PALLD: variants seen among roughly 807,000 people sequenced by gnomAD.
PALLD encodes the protein palladin, cytoskeletal associated protein.
A neutral mutation model predicts 123.5 loss-of-function variants in PALLD; 61 were observed. The ratio of observed to expected loss-of-function variants is 0.49; its 90% confidence interval spans 0.40 to 0.61. The LOEUF is 0.61. Among genes scored for constraint, PALLD ranks in the 20% least tolerant of loss-of-function variants. PALLD has a pLI of 0.00. For missense variants in PALLD, 1,273 were observed against 1,377.0 expected, an observed-to-expected ratio of 0.92 and a Z score of 1.20; for synonymous variants, 465 against 496.4, an observed-to-expected ratio of 0.94 and a Z score of 0.84.
intron 2 of PALLD, among the ~76,000 whole-genome samples, chr4:168,616,762 A>G (rs936337823): frequency 6.6e-6 from 1 of 152,320 alleles, no homozygotes; most frequent in Non-Finnish European, 1.5e-5. Flanking sequence ...CTGAATTTTT[A>G]ACAAGCTTCC....
intron 10 of PALLD, chr4:168,864,459 C>G (rs1337647888): frequency 6.6e-6 from 1 of 152,200 alleles, no homozygotes; most frequent in South Asian, 2.1e-4. Flanking sequence ...GGCACTGCAC[C>G]AAACGTACTT....
intron 2 of PALLD, among the ~76,000 whole-genome samples, chr4:168,587,161 A>T (rs1770914123): frequency 1.3e-5 from 2 of 152,316 alleles, no homozygotes; most frequent in Non-Finnish European, 2.9e-5. Context: ...ATGTTGAAGA[A>T]TGCGGGTGTG....
intron 11 of PALLD, 33 bp downstream of exon 11, chr4:168,891,090 G>A (rs767751062): frequency 1.9e-6 from 3 of 1,610,510 alleles, no homozygotes; most frequent in Admixed American, 3.3e-5. Context: ...GACTTGGAAT[G>A]TTAGCTACCC....
At chr4:168,809,318 CCTT>C (rs72109616) in intron 10 of PALLD, among the ~76,000 whole-genome samples, 31,999 of 143,540 alleles carry the variant, frequency 0.22, 3,617 homozygotes, top group East Asian at 0.43. Context: ...CCTTATAAAT[CCTT>C]CTTCTTCTTC....
chr4:168,565,615 G>A (rs1768294660), intron 2 of PALLD, among the ~76,000 whole-genome samples: 2 of 152,010 alleles, frequency 1.3e-5, no homozygotes, highest in Non-Finnish European at 2.9e-5. Context: ...GAGGTCAAGG[G>A]AAAGCCAGGA....
intron 2 of PALLD, among the ~76,000 whole-genome samples, chr4:168,599,101 T>C (rs1221416938): frequency 6.6e-6 from 1 of 152,132 alleles, no homozygotes; most frequent in Non-Finnish European, 1.5e-5. Context: ...AAATAGCGAA[T>C]AGCCACTCCA....
chr4:168,885,386 T>C (rs1384029689), intron 10 of PALLD: 3 of 152,170 alleles, frequency 2.0e-5, no homozygotes, highest in Admixed American at 2.0e-4. Context: ...ATACTAAAAT[T>C]GCAATGATAC....
chr4:168,805,631 A>T (rs1740081260), intron 10 of PALLD, among the ~76,000 whole-genome samples: 1 of 151,932 alleles, frequency 6.6e-6, no homozygotes, highest in Non-Finnish European at 1.5e-5. Flanking sequence ...CCCACCCCTA[A>T]ACTCGTACAT....
chr4:168,663,776 TTCC>T (rs1435559894), intron 2 of PALLD, among the ~76,000 whole-genome samples: 14 of 152,368 alleles, frequency 9.2e-5, no homozygotes, highest in East Asian at 5.8e-4. Flanking sequence ...TCTGTATTGT[TTCC>T]TCATGCCATT....
chr4:168,688,604 G>GT (rs1336216250), intron 6 of PALLD, among the ~76,000 whole-genome samples: 1 of 152,218 alleles, frequency 6.6e-6, no homozygotes, highest in Non-Finnish European at 1.5e-5. Context: ...GGGGCTCCTT[G>GT]TTATGTTCCC....
At chr4:168,501,498 T>C (rs1561177989) in intron 1 of PALLD, among the ~76,000 whole-genome samples, 1 of 152,190 alleles carries the variant, frequency 6.6e-6, no homozygotes, top group Non-Finnish European at 1.5e-5. Context: ...CAATATTTGC[T>C]TAGGATAAGC....
chr4:168,644,589 G>A (rs1777260313), intron 2 of PALLD, among the ~76,000 whole-genome samples: 1 of 152,128 alleles, frequency 6.6e-6, no homozygotes, highest in South Asian at 2.1e-4. Context: ...CTGTTTGAGT[G>A]GAGTATGTAA....
intron 10 of PALLD, among the ~76,000 whole-genome samples, chr4:168,722,683 C>T (rs1786138560): frequency 1.3e-5 from 2 of 152,182 alleles, no homozygotes; most frequent in South Asian, 4.1e-4. Context: ...AGTGTAAACC[C>T]ACATTCAATT....
chr4:168,674,635 G>A (rs544108375), intron 3 of PALLD, among the ~76,000 whole-genome samples: 1 of 152,272 alleles, frequency 6.6e-6, no homozygotes, highest in African/African-American at 2.4e-5. Flanking sequence ...AAACCACTGG[G>A]GTCAGCAACA....
intron 10 of PALLD, among the ~76,000 whole-genome samples, chr4:168,860,146 A>T (rs1034289318): frequency 2.6e-5 from 4 of 152,208 alleles, no homozygotes; most frequent in African/African-American, 9.7e-5. Flanking sequence ...AGAATTGATG[A>T]TAATTACTCT....
At chr4:168,896,355 T>C (rs1319712322) in intron 12 of PALLD, among the ~76,000 whole-genome samples, 194 bp from the exon 13 acceptor site, 1 of 152,198 alleles carries the variant, frequency 6.6e-6, no homozygotes, top group Non-Finnish European at 1.5e-5. Flanking sequence ...AAATAAAGTA[T>C]TGAATATCTC....
At chr4:168,826,399 T>G (rs1239225959) in intron 10 of PALLD, among the ~76,000 whole-genome samples, 1 of 152,212 alleles carries the variant, frequency 6.6e-6, no homozygotes, top group Non-Finnish European at 1.5e-5. Context: ...ATATATTCCT[T>G]GGAGCTTGGA....
chr4:168,596,721 TAAAAAA>T (rs56390001), intron 2 of PALLD, among the ~76,000 whole-genome samples: 1 of 132,876 alleles, frequency 7.5e-6, no homozygotes, highest in Non-Finnish European at 1.6e-5. Flanking sequence ...TTGGCCTTGT[TAAAAAA>T]AAAAAAAAAA....
intron 10 of PALLD, among the ~76,000 whole-genome samples, chr4:168,751,549 G>A (rs770448841): frequency 2.6e-5 from 4 of 152,064 alleles, no homozygotes; most frequent in Admixed American, 6.6e-5. Context: ...ACTTAATGTC[G>A]CTAAATCTCA....
Sources: allele counts gnomAD v4.1 joint callset (sites outside exome capture counted in the v4.1 genomes callset), GRCh38; gene constraint gnomAD v4.1.1; transcripts MANE v1.5; gene names NCBI Gene and HGNC (gene_info 2026-07-23, HGNC 2026-07-21).